Variants in ZFTA observed in about 807,000 individuals in gnomAD.
The protein encoded by ZFTA is zinc finger translocation-associated protein.
In ZFTA, 35 loss-of-function variants were observed where a neutral mutation model predicts 41.8. That is an observed-to-expected ratio of 0.84 (90% CI 0.64 to 1.11). ZFTA has a LOEUF of 1.11. Among genes scored for constraint, ZFTA ranks in the 50% most tolerant of loss-of-function variants. The probability of loss-of-function intolerance (pLI) is 0.00; values close to 1 mark genes in which losing one functional copy is unlikely to be tolerated. For missense variants in ZFTA, 964 were observed against 989.8 expected (o/e 0.97, Z 0.35); for synonymous variants, 514 against 436.4 (o/e 1.18, Z -2.22).
Position 63,764,958 on chromosome 11 carries a change from G to A in ZFTA, c.934C>T (p.Leu312=), listed in dbSNP as rs1352802583. The change falls in exon 3 of 5, where the codon CTG becomes TTG. Residue 312 remains leucine (L), a synonymous_variant. Coordinates refer to ENST00000433688, the MANE Select transcript of ZFTA (RefSeq NM_001144936.2). ...CTGCGCTGGGGGCCGCTGAGCCCCA[G>A]GGAGCCAGGGTGCACCTCCAGCACG... ...AHVLEVHPGS[L]GLSGPQRSAL... 4 of 1,548,396 alleles carry A rather than the reference G, an allele frequency of 2.6e-6. No homozygotes were observed. In the African/African-American group the frequency reaches 4.1e-5, roughly 16 times the overall value.
At chr11:63,767,101 G>A (rs2014757891) in intron 1 of ZFTA, among the ~76,000 whole-genome samples, 1 of 152,196 alleles carries the variant, frequency 6.6e-6, no homozygotes, top group Non-Finnish European at 1.5e-5. Context: ...CAGGGAGCCG[G>A]CCACTGCCCA....
At position 63,763,877 on chromosome 11, in the gene ZFTA, G is replaced by C; in HGVS notation, c.1586-8C>G. On this transcript the variant is annotated splice_polypyrimidine_tract_variant and splice_region_variant and intron_variant, in intron 4 of 4. Transcript: ENST00000433688. ...GGGACAGCGGAACGTCGCCTAAGGA[G>C]GGACAAAGGACCGCATTGGCGACGG... 1 of 1,420,292 alleles carries C rather than the reference G, an allele frequency of 7.0e-7. No homozygotes were observed. The highest frequency in any genetic ancestry group is 9.2e-7 in the Non-Finnish European group (1 of 1,087,346). 88.0% of individuals were successfully genotyped at this position (1,420,292 alleles called of 1,614,324 possible).
Position 63,763,757 on chromosome 11 carries a change from GGGA to G in ZFTA, c.1695_1697del (p.Pro572del), listed in dbSNP as rs1264665740. 2.0e-5 allele frequency: 30 copies of G among 1,468,856 alleles called. No individual in the cohort carries two copies. The highest frequency in any genetic ancestry group is 2.2e-5 in the Non-Finnish European group (24 of 1,111,774). The allele number at this position is 1,468,856 out of a possible 1,614,324, so 91.0% of individuals were successfully genotyped here. A position where few individuals can be genotyped will look rare whatever the true frequency, so the allele number is the denominator to read the frequency against. ...GGCTGCGGGGCGGGGGCGGAGGCGG[GGGA>G]GGAGGCGGCGGCGGCAAGGCGAGTC... On this transcript the variant is annotated inframe_deletion, in exon 5 of 5. Coordinates refer to ENST00000433688, the MANE Select transcript of ZFTA (RefSeq NM_001144936.2).
intron 3 of ZFTA, 34 bp from the exon 4 acceptor site, chr11:63,764,632 C>A: frequency 7.9e-7 from 1 of 1,263,488 alleles, no homozygotes; most frequent in Non-Finnish European, 1.0e-6. Flanking sequence ...AGGGGCTCAG[C>A]CTGCTGGCTG....
rs1183760978 is a variant in ZFTA at position 63,763,606 on chromosome 11, T to G, written c.1849A>C (p.Ile617Leu). 6.5e-7 allele frequency: 1 copy of G among 1,548,956 alleles called. No individual in the cohort carries two copies. The highest frequency in any genetic ancestry group is 2.5e-5 in the East Asian group (1 of 40,774). The stretch of plus-strand genomic sequence containing the variant: ...TGCACCTGCAGGATGTGGCGCTTGA[T>G]GGTGCTCACCTTGAGCGTGGCCAGC... ...GALATLKVST[I>L]KRHILQVHPF... Residue 617 changes from isoleucine to leucine, a missense_variant, in exon 5 of 5, where the codon ATC (isoleucine) becomes CTC (leucine). Around this residue, in one of 5 missense-constraint regions of ZFTA, gnomAD observed 63 missense variants for 97.8 expected, o/e 0.64. Transcript: ENST00000433688.
chr11:63,764,428 C>A lies in ZFTA; in HGVS notation c.1195G>T (p.Gly399Cys). Residue 399 changes from glycine to cysteine, a missense_variant, in exon 4 of 5, where the codon GGC becomes TGC. Coordinates refer to ENST00000433688, the MANE Select transcript of ZFTA (RefSeq NM_001144936.2). ...CGGCCCGGGACCCCCGCCCTCTCGC[C>A]CTCGCCCTCCTCCAGCTCCTCCTCC... ...EEEEELEEGE[G>C]ERAGVPGRSP... 7.9e-7 allele frequency: 1 copy of A among 1,267,260 alleles called. No individual in the cohort carries two copies. 78.5% of individuals were successfully genotyped at this position (1,267,260 alleles called of 1,614,324 possible). A position where few individuals can be genotyped will look rare whatever the true frequency, so the allele number is the denominator to read the frequency against.
Position 63,768,726 on chromosome 11 carries a change from G to A in ZFTA, c.-104C>T. On this transcript the variant is annotated 5_prime_UTR_variant, in exon 1 of 5. Transcript: ENST00000433688. ...GCTGCGCGGGGCCCCGGGGCGCGGG[G>A]CGCATGCACGGGGCGGCCGGCCGCA... The A allele has an allele frequency of 2.4e-6, 1 of 410,032 alleles. No homozygotes were observed. The highest frequency in any genetic ancestry group is 3.3e-6 in the Non-Finnish European group (1 of 307,216). The allele number at this position is 410,032 out of a possible 1,614,324, so 25.4% of individuals were successfully genotyped here.
Position 63,763,766 on chromosome 11 carries a change from C to T in ZFTA, c.1689G>A (p.Pro563=). The T allele has an allele frequency of 6.8e-7, 1 of 1,460,096 alleles. No homozygotes were observed. The highest frequency in any genetic ancestry group is 9.0e-7 in the Non-Finnish European group (1 of 1,108,154). The allele number at this position is 1,460,096 out of a possible 1,614,324, so 90.4% of individuals were successfully genotyped here. The change falls in exon 5 of 5, where the codon CCG becomes CCA. Residue 563 remains proline, a synonymous_variant. Coordinates refer to ENST00000433688, the MANE Select transcript of ZFTA (RefSeq NM_001144936.2). ...GCGGGGGCGGAGGCGGGGGAGGAGG[C>T]GGCGGCGGCAAGGCGAGTCCCCCAG... ...QEPGGLALPP[P]PPPPPPPPPR...
chr11:63,763,461 T>C lies in ZFTA; in HGVS notation c.1994A>G (p.Asp665Gly). 6.8e-7 allele frequency: 1 copy of C among 1,461,940 alleles called. No individual in the cohort carries two copies. Among genetic ancestry groups the C allele is most frequent in the African/African-American group, 1.5e-5 (1 of 67,246 alleles). The allele number at this position is 1,461,940 out of a possible 1,614,324, so 90.6% of individuals were successfully genotyped here. A position where few individuals can be genotyped will look rare whatever the true frequency, so the allele number is the denominator to read the frequency against. The change falls in exon 5 of 5, where the codon GAC becomes GGC. Residue 665 changes from aspartate (D) to glycine (G), a missense_variant. This residue lies in a region of ZFTA where 65 missense variants were observed against 58.9 expected (regional missense o/e 1.10). Coordinates refer to ENST00000433688, the MANE Select transcript of ZFTA (RefSeq NM_001144936.2). ...GCCAGACTTGAGGTCCGCGCCGCCG[T>C]CACGCGGCGCCGGGGCGGGCGGCCC... ...GFGPPAPAPRDGGADLKSGAV... is the reference protein window; with the variant it reads ...GFGPPAPAPRGGGADLKSGAV...
At chr11:63,767,980 A>G (rs2014773545) in intron 1 of ZFTA, among the ~76,000 whole-genome samples, 1 of 151,922 alleles carries the variant, frequency 6.6e-6, no homozygotes, top group Admixed American at 6.6e-5. Flanking sequence ...GAAAAGAAAA[A>G]GGGTGCATGT....
chr11:63,760,665 G>A lies in ZFTA; in HGVS notation c.*2753C>T, dbSNP rs2014609087. 6.6e-6 allele frequency: 1 copy of A among 152,176 alleles called. No individual in the cohort carries two copies. Among genetic ancestry groups the A allele is most frequent in the African/African-American group, 2.4e-5 (1 of 41,436 alleles). 9.4% of individuals were successfully genotyped at this position (152,176 alleles called of 1,614,324 possible). ...ACTCAACTTGCAACGTCTAACCTGT[G>A]AGGCCATAACTTCCATCAAAGCAGG... On this transcript the variant is annotated 3_prime_UTR_variant, in exon 5 of 5. Coordinates refer to ENST00000433688, the MANE Select transcript of ZFTA (RefSeq NM_001144936.2).
At chr11:63,763,936 T>C in intron 4 of ZFTA, 67 bp from the exon 5 acceptor site, 1 of 1,370,964 alleles carries the variant, frequency 7.3e-7, no homozygotes, top group African/African-American at 1.5e-5. Context: ...GCGTCTCATC[T>C]CCAGTCACCC....
chr11:63,761,122 GTA>G lies in ZFTA; in HGVS notation c.*2294_*2295del, dbSNP rs1283288086. The G allele has an allele frequency of 6.6e-6, 1 of 152,162 alleles. No individual in the cohort carries two copies. Among genetic ancestry groups the G allele is most frequent in the Non-Finnish European group, 1.5e-5 (1 of 68,018 alleles). The allele number at this position is 152,162 out of a possible 1,614,324, so 9.4% of individuals were successfully genotyped here. On this transcript the variant is annotated 3_prime_UTR_variant, in exon 5 of 5. Transcript: ENST00000433688. ...GATCCGAAAAAATGCATGAAGGAAA[GTA>G]AAAGAATGGCAGTGCCCAGCCTGGT...
chr11:63,768,121 C>T lies in ZFTA; in HGVS notation c.139+363G>A, dbSNP rs2014776099. Among the ~76,000 whole-genome samples, 4 of 152,178 alleles carry T rather than the reference C, an allele frequency of 2.6e-5. No homozygotes were observed. The Middle Eastern group carries it at 0.014, about 518-fold the overall frequency. On this transcript the variant is annotated intron_variant, in intron 1 of 4. Coordinates refer to ENST00000433688, the MANE Select transcript of ZFTA (RefSeq NM_001144936.2). ...CTGGGCGGACTTTTGAGAGAAAGCC[C>T]GATTAGGGAGACCACCTGGGAGTCT...
chr11:63,764,859 G>A lies in ZFTA; in HGVS notation c.1024+9C>T. Reference sequence around the variant, plus strand: ...ATGAGGGGGTCTCAGCCTGGGATGGGCCTCGCACCTGGTGGGGACTGGGTG... The same window carrying A: ...ATGAGGGGGTCTCAGCCTGGGATGGACCTCGCACCTGGTGGGGACTGGGTG... On this transcript the variant is annotated intron_variant, in intron 3 of 4. Transcript: ENST00000433688. 5 of 1,472,454 alleles carry A rather than the reference G, an allele frequency of 3.4e-6. No individual in the cohort carries two copies. Among genetic ancestry groups the A allele is most frequent in the Non-Finnish European group, 4.5e-6 (5 of 1,114,772 alleles). 91.2% of individuals were successfully genotyped at this position (1,472,454 alleles called of 1,614,324 possible).
chr11:63,765,896 C>A lies in ZFTA; in HGVS notation c.548G>T (p.Gly183Val). The A allele has an allele frequency of 6.5e-7, 1 of 1,547,360 alleles. No individual in the cohort carries two copies. Residue 183 changes from glycine (G) to valine (V), a missense_variant, in exon 2 of 5, where the codon GGG becomes GTG. Gly to Val is a moderately radical substitution (Grantham distance 109, BLOSUM62 -3). This residue lies in a region of ZFTA where 141 missense variants were observed against 216.7 expected (regional missense o/e 0.65). Transcript: ENST00000433688. This position sits in a 1 kb window ranked among gnomAD's most constrained non-coding sequence, Gnocchi z 4.0. ...LGACGEAEGL[G>V]VQGAEEEEEE... ...CTCCTCCTCCTCAGCCCCCTGGACC[C>A]CCAGGCCCTCGGCCTCTCCGCAGGC...
In ZFTA at chr11:63,763,356, G is replaced by A. The variant is rs2014681430; in HGVS notation, c.*62C>T. Reference sequence around the variant, plus strand: ...GTCTCCCAGCCGAAGGGCCGGGCGAGCACAGGGCGGGGCGGGGCCGATCCG... The same window carrying A: ...GTCTCCCAGCCGAAGGGCCGGGCGAACACAGGGCGGGGCGGGGCCGATCCG... On this transcript the variant is annotated 3_prime_UTR_variant, in exon 5 of 5. Transcript: ENST00000433688. 1.8e-6 allele frequency: 2 copies of A among 1,131,546 alleles called. No homozygotes were observed. Among genetic ancestry groups the A allele is most frequent in the Non-Finnish European group, 2.2e-6 (2 of 915,872 alleles). 70.1% of individuals were successfully genotyped at this position (1,131,546 alleles called of 1,614,324 possible).
In ZFTA at chr11:63,764,264, G is replaced by A. The variant is rs926195118; in HGVS notation, c.1359C>T (p.Thr453=). Residue 453 remains threonine (T), a synonymous_variant, in exon 4 of 5, where the codon ACC becomes ACT. Coordinates refer to ENST00000433688, the MANE Select transcript of ZFTA (RefSeq NM_001144936.2). ...GGALASLKMS[T]IERHIRRRHP... Reference sequence around the variant, plus strand: ...GGCGCCGGCGGATGTGGCGCTCGATGGTGCTCATCTTGAGCGAGGCCAGCG... The same window carrying A: ...GGCGCCGGCGGATGTGGCGCTCGATAGTGCTCATCTTGAGCGAGGCCAGCG... 2 of 1,462,976 alleles carry A rather than the reference G, an allele frequency of 1.4e-6. No individual in the cohort carries two copies. The highest frequency in any genetic ancestry group is 9.0e-7 in the Non-Finnish European group (1 of 1,115,304). The allele number at this position is 1,462,976 out of a possible 1,614,324, so 90.6% of individuals were successfully genotyped here.
chr11:63,766,300 T>A lies in ZFTA; in HGVS notation c.144A>T (p.Gln48His). 1 of 1,439,522 alleles carries A rather than the reference T, an allele frequency of 6.9e-7. No individual in the cohort carries two copies. Among genetic ancestry groups the A allele is most frequent in the Non-Finnish European group, 9.1e-7 (1 of 1,102,300 alleles). The allele number at this position is 1,439,522 out of a possible 1,614,324, so 89.2% of individuals were successfully genotyped here. Residue 48 changes from glutamine to histidine, a missense_variant, in exon 2 of 5, where the codon CAA becomes CAT. This residue lies in a region of ZFTA where 111 missense variants were observed against 93.2 expected (regional missense o/e 1.19). Transcript: ENST00000433688. ...SAEPEEDEGG[Q>H]DLQLEGGALG... Reference sequence around the variant, plus strand: ...AGGCACCCCCTTCCAGCTGAAGATCTTGCCCTGAAGAAGGGGAAAGGGAGA... The same window carrying A: ...AGGCACCCCCTTCCAGCTGAAGATCATGCCCTGAAGAAGGGGAAAGGGAGA...
Sources: allele counts gnomAD v4.1 joint callset (sites outside exome capture counted in the v4.1 genomes callset), GRCh38; gene constraint gnomAD v4.1.1; regional missense constraint gnomAD v4.1.1; non-coding constraint Gnocchi (gnomAD v3.1); transcripts MANE v1.5; gene names NCBI Gene and HGNC (gene_info 2026-07-23, HGNC 2026-07-21).